GRID2: variants seen among roughly 807,000 people sequenced by gnomAD.
The protein encoded by GRID2 is glutamate receptor ionotropic, delta-2.
A neutral mutation model predicts 114.8 loss-of-function variants in GRID2; 33 were observed. That is an observed-to-expected ratio of 0.29 (90% CI 0.22 to 0.38). The LOEUF (loss-of-function observed/expected upper bound fraction) is 0.38, where lower values mean the gene tolerates loss of function less well. Among genes scored for constraint, GRID2 ranks in the 10% least tolerant of loss-of-function variants. The probability of loss-of-function intolerance (pLI) is 1.00; values close to 1 mark genes in which losing one functional copy is unlikely to be tolerated. For missense variants in GRID2, 1,184 were observed against 1,257.7 expected, an observed-to-expected ratio of 0.94 and a Z score of 0.89; for synonymous variants, 505 against 449.9, an observed-to-expected ratio of 1.12 and a Z score of -1.55.
At chr4:92,863,301 C>G (rs952283343) in intron 2 of GRID2, among the ~76,000 whole-genome samples, 3 of 152,094 alleles carry the variant, frequency 2.0e-5, no homozygotes, top group Non-Finnish European at 4.4e-5. Context: ...GCACTGTCCT[C>G]TTTGTGCTCC....
At chr4:93,284,120 C>T (rs1373885349) in intron 8 of GRID2, among the ~76,000 whole-genome samples, 2 of 151,922 alleles carry the variant, frequency 1.3e-5, no homozygotes, top group African/African-American at 2.4e-5. Context: ...AGCTTCTTGT[C>T]TCCTTTTATT....
chr4:92,805,161 A>G (rs1456416913), intron 2 of GRID2, among the ~76,000 whole-genome samples: 1 of 151,998 alleles, frequency 6.6e-6, no homozygotes, highest in African/African-American at 2.4e-5. Context: ...TCCTTCTAAT[A>G]ACTACTGCAG....
intron 2 of GRID2, among the ~76,000 whole-genome samples, chr4:93,011,170 T>A (rs997666886): frequency 5.3e-5 from 8 of 152,118 alleles, no homozygotes; most frequent in East Asian, 1.9e-4. Flanking sequence ...CTGTTTTTTT[T>A]AATTACTTTT....
At chr4:93,375,507 G>A (rs1210116738) in intron 8 of GRID2, among the ~76,000 whole-genome samples, 4 of 152,038 alleles carry the variant, frequency 2.6e-5, no homozygotes, top group Admixed American at 2.0e-4. Flanking sequence ...CACCGCGCCT[G>A]GCCAGGAGTT....
chr4:92,330,610 T>C lies in GRID2; in HGVS notation c.88+25866T>C, dbSNP rs72882128. On this transcript the variant is annotated intron_variant, in intron 1 of 15. Transcript: ENST00000282020. The stretch of plus-strand genomic sequence containing the variant: ...ATAATTGGAAACGTCTTATTCATTA[T>C]TCCAAAAAGAATCTTCTTGTGGTTT... Among the ~76,000 whole-genome samples the C allele has an allele frequency of 7.9e-4, 121 of 152,286 alleles. 1 individual carries two copies. The highest frequency in any genetic ancestry group is 2.7e-3 in the African/African-American group (114 of 41,582).
chr4:92,356,574 G>C (rs999108127), intron 1 of GRID2, among the ~76,000 whole-genome samples: 11 of 151,384 alleles, frequency 7.3e-5, no homozygotes, highest in Admixed American at 3.3e-4. Flanking sequence ...CTCTGTACTT[G>C]TGTGTATGTG....
At chr4:92,694,889 C>T (rs1734351870) in intron 2 of GRID2, among the ~76,000 whole-genome samples, 1 of 152,160 alleles carries the variant, frequency 6.6e-6, no homozygotes. Flanking sequence ...TTATAATTTA[C>T]CAAATAATCA....
chr4:92,391,323 C>T (rs1407391040), intron 1 of GRID2, among the ~76,000 whole-genome samples: 1 of 152,096 alleles, frequency 6.6e-6, no homozygotes, highest in Admixed American at 6.6e-5. Flanking sequence ...GATACGACTT[C>T]ATGGTTACTT....
chr4:92,865,036 T>C (rs1172165256), intron 2 of GRID2, among the ~76,000 whole-genome samples: 1 of 152,208 alleles, frequency 6.6e-6, no homozygotes, highest in Non-Finnish European at 1.5e-5. Context: ...AAACTTGTCT[T>C]TGTATTAAAT....
At chr4:93,050,509 GGTGTGTGT>G (rs70942946) in intron 2 of GRID2, among the ~76,000 whole-genome samples, 37,203 of 143,936 alleles carry the variant, frequency 0.26, 4,785 homozygotes, top group Middle Eastern at 0.38. Context: ...AATAATACCT[GGTGTGTGT>G]GTGTGTGTGT....
intron 2 of GRID2, among the ~76,000 whole-genome samples, chr4:92,813,341 C>T (rs958926189): frequency 2.6e-5 from 4 of 152,196 alleles, no homozygotes; most frequent in Non-Finnish European, 5.9e-5. Context: ...TGCAAACAAC[C>T]AACTTATATC....
intron 10 of GRID2, among the ~76,000 whole-genome samples, chr4:93,444,471 G>A (rs995059729): frequency 1.3e-4 from 19 of 151,996 alleles, no homozygotes; most frequent in African/African-American, 4.1e-4. Context: ...AAAATCTATT[G>A]AAATAATGAA....
intron 4 of GRID2, among the ~76,000 whole-genome samples, chr4:93,118,038 A>G (rs1180192368): frequency 6.6e-6 from 1 of 152,078 alleles, no homozygotes; most frequent in African/African-American, 2.4e-5. Context: ...TCCATCTCAC[A>G]CCTACCTTTT....
At chr4:92,958,120 T>C (rs1450583807) in intron 2 of GRID2, among the ~76,000 whole-genome samples, 1 of 152,086 alleles carries the variant, frequency 6.6e-6, no homozygotes, top group Non-Finnish European at 1.5e-5. Flanking sequence ...TTAATTCTTC[T>C]ACACCAGTAA....
chr4:93,739,107 A>C (rs1731162865), intron 14 of GRID2, among the ~76,000 whole-genome samples: 1 of 152,030 alleles, frequency 6.6e-6, no homozygotes, highest in Non-Finnish European at 1.5e-5. Context: ...TAGAAGAGGG[A>C]AGGGGCACAG....
intron 8 of GRID2, among the ~76,000 whole-genome samples, chr4:93,344,983 T>C (rs1156552558): frequency 8.7e-6 from 1 of 114,642 alleles, no homozygotes; most frequent in African/African-American, 3.4e-5. Flanking sequence ...AGTTGTATTC[T>C]AGTGTGTGTG....
At chr4:92,523,922 C>G (rs1260124208) in intron 1 of GRID2, among the ~76,000 whole-genome samples, 2 of 151,992 alleles carry the variant, frequency 1.3e-5, no homozygotes, top group African/African-American at 4.8e-5. Context: ...ATGTCTCCCT[C>G]ATTACTGGGA....
intron 2 of GRID2, among the ~76,000 whole-genome samples, chr4:92,620,475 AAGAG>A (rs1288145891): frequency 1.3e-5 from 2 of 151,924 alleles, no homozygotes; most frequent in Middle Eastern, 3.4e-3. Flanking sequence ...GGACCAGTAA[AAGAG>A]AGACTCAAAG....
intron 2 of GRID2, among the ~76,000 whole-genome samples, chr4:92,941,726 A>G (rs1751150033): frequency 6.6e-6 from 1 of 152,132 alleles, no homozygotes; most frequent in Non-Finnish European, 1.5e-5. Flanking sequence ...ATTTCCCTCT[A>G]CACACTGCTT....
Sources: gnomAD v4.1 joint callset for allele counts (sites outside exome capture counted in the v4.1 genomes callset) on GRCh38, gnomAD v4.1.1 for gene constraint, MANE v1.5 for transcripts, NCBI Gene and HGNC (gene_info 2026-07-23, HGNC 2026-07-21) for gene names.